Variants in PPP1R16A observed in about 807,000 individuals in gnomAD.
PPP1R16A encodes myosin phosphatase-targeting subunit 3.
PPP1R16A carries 39 observed loss-of-function variants against 46.6 expected under a neutral mutation model. The ratio of observed to expected loss-of-function variants is 0.84; its 90% CI spans 0.65 to 1.09. The LOEUF is 1.09. Ranked by LOEUF, PPP1R16A falls within the 50% of genes least tolerant of loss-of-function variation. The pLI is 0.00. For missense variants in PPP1R16A, 798 were observed against 735.6 expected, an observed-to-expected ratio of 1.08 and a Z score of -0.98; for synonymous variants, 413 against 321.5, an observed-to-expected ratio of 1.28 and a Z score of -3.04.
chr8:144,488,871 G>A (rs1825704641), intron 1 of PPP1R16A, among the ~76,000 whole-genome samples: 1 of 151,708 alleles, frequency 6.6e-6, no homozygotes, highest in Non-Finnish European at 1.5e-5. Context: ...AGCCCCAGGG[G>A]AGGGTTTCAG....
At position 144,500,366 on chromosome 8, in the gene PPP1R16A, C is replaced by T; in HGVS notation, c.680C>T (p.Ala227Val). The T allele has an allele frequency of 2.0e-6, 3 of 1,531,420 alleles. No individual in the cohort carries two copies. The highest frequency in any genetic ancestry group is 1.4e-5 in the African/African-American group (1 of 73,028). 94.9% of individuals were successfully genotyped at this position (1,531,420 alleles called of 1,614,324 possible). A position where few individuals can be genotyped will look rare whatever the true frequency, so the allele number is the denominator to read the frequency against. The change falls in exon 7 of 12, where the codon GCC (alanine) becomes GTC (valine). Residue 227 changes from alanine (A) to valine (V), a missense_variant. By Grantham distance (64) the Ala-to-Val change is moderately conservative. Transcript: ENST00000435887. ...CTGCAGGCCGGGGCAGACCTCCATG[C>T]CCCCCTGGACCACGGGGCCACGCTG... ...SRLQAGADLH[A>V]PLDHGATLLH...
At chr8:144,498,019 C>G (rs1826179293) in intron 3 of PPP1R16A, 1 of 456,252 alleles carries the variant, frequency 2.2e-6, no homozygotes, top group Non-Finnish European at 4.4e-6. Context: ...GGTTCCACTT[C>G]TGGTGCTCTG....
intron 5 of PPP1R16A, 50 bp from the exon 6 acceptor site, chr8:144,500,046 G>T: frequency 6.4e-7 from 1 of 1,550,752 alleles, no homozygotes. Flanking sequence ...GAGGAGCCTG[G>T]CAAGCGGGGA....
rs199589593 is a variant in PPP1R16A, at chr8:144,498,799, C to A, written c.289C>A (p.Pro97Thr). 6.2e-7 allele frequency: 1 copy of A among 1,602,686 alleles called. No homozygotes were observed. The highest frequency in any genetic ancestry group is 8.5e-7 in the Non-Finnish European group (1 of 1,171,770). Residue 97 changes from proline (P) to threonine (T), a missense_variant, in exon 4 of 12, where the codon CCT becomes ACT. By Grantham distance (38) the Pro-to-Thr change is conservative. Coordinates refer to ENST00000435887, the MANE Select transcript of PPP1R16A (RefSeq NM_001329443.2). ...CCAGTTCCTTGGGAGTGGGGTCAGC[C>A]CTGACTTGGCCAACGAGGACGGCCT... ...VRQFLGSGVS[P>T]DLANEDGLTA...
intron 2 of PPP1R16A, among the ~76,000 whole-genome samples, chr8:144,491,762 C>CAAAAA (rs549819147): frequency 6.0e-5 from 5 of 83,788 alleles, no homozygotes; most frequent in Admixed American, 1.3e-4. Context: ...GACTCTGTTT[C>CAAAAA]AAAAAAAAAA....
chr8:144,488,711 C>A (rs1205253919), intron 1 of PPP1R16A, among the ~76,000 whole-genome samples: 1 of 151,996 alleles, frequency 6.6e-6, no homozygotes, highest in Non-Finnish European at 1.5e-5. Context: ...ACAGTGAGGG[C>A]TGGTGCTGGG....
At chr8:144,481,841 G>C (rs557911454) in intron 1 of PPP1R16A, among the ~76,000 whole-genome samples, 1 of 151,564 alleles carries the variant, frequency 6.6e-6, no homozygotes, top group Non-Finnish European at 1.5e-5. Flanking sequence ...GCAGTGGCAC[G>C]ATCTTGGCTC....
rs1263359171 is a variant in PPP1R16A at position 144,500,611 on chromosome 8, A to C, written c.830A>C (p.Gln277Pro). ...CTGCACGCCGCGGCCTACTGGGGCC[A>C]GGTGAGTGCGGGCGGGAGCAGGTGG... ...EPLHAAAYWG[Q>P]VPLVELLVAH... The change falls in exon 8 of 12, where the codon CAG (glutamine) becomes CCG (proline). Residue 277 changes from glutamine to proline, a missense_variant and splice_region_variant. By Grantham distance (76) the Gln-to-Pro change is moderately conservative. Transcript: ENST00000435887. 11 of 1,601,624 alleles carry C rather than the reference A, an allele frequency of 6.9e-6. No homozygotes were observed. The highest frequency in any genetic ancestry group is 9.3e-6 in the Non-Finnish European group (11 of 1,179,116).
At position 144,500,083 on chromosome 8, in the gene PPP1R16A, G is replaced by A. The variant is rs1311618379; in HGVS notation, c.477-13G>A. On this transcript the variant is annotated splice_polypyrimidine_tract_variant and intron_variant, in intron 5 of 11. Transcript: ENST00000435887. Reference sequence around the variant, plus strand: ...GGGCCTTGTGCCCAGCACCCCGTCCGTCTTCCCTGCAGTGGCGCCAATCTC... The same window carrying A: ...GGGCCTTGTGCCCAGCACCCCGTCCATCTTCCCTGCAGTGGCGCCAATCTC... 7 of 1,600,066 alleles carry A rather than the reference G, an allele frequency of 4.4e-6. No individual in the cohort carries two copies. The South Asian group carries it at 5.6e-5, about 13-fold the overall frequency.
chr8:144,483,668 A>G (rs576358919), intron 1 of PPP1R16A, among the ~76,000 whole-genome samples: 1 of 147,110 alleles, frequency 6.8e-6, no homozygotes, highest in Non-Finnish European at 1.5e-5. Context: ...GGCCTCCCAA[A>G]GTGCTGGGAT....
Position 144,497,062 on chromosome 8 carries a change from G to C in PPP1R16A, c.-133G>C, listed in dbSNP as rs1391835641. On this transcript the variant is annotated 5_prime_UTR_variant, in exon 3 of 12. Transcript: ENST00000435887. ...GTGGGGCCTCCTGACCCAGCCAAGG[G>C]CACGAAGCTCTGGGAAGGGGATGCC... is the stretch of plus-strand genomic sequence containing the variant. 2 of 1,239,004 alleles carry C rather than the reference G, an allele frequency of 1.6e-6. No individual in the cohort carries two copies. The highest frequency in any genetic ancestry group is 4.2e-5 in the Admixed American group (2 of 47,218). 76.8% of individuals were successfully genotyped at this position (1,239,004 alleles called of 1,614,324 possible). A position where few individuals can be genotyped will look rare whatever the true frequency, so the allele number is the denominator to read the frequency against.
rs184785899 is a variant in PPP1R16A at position 144,482,513 on chromosome 8, C to T, written c.-914+4386C>T. Among the ~76,000 whole-genome samples, 978 of 151,754 alleles carry T rather than the reference C, an allele frequency of 6.4e-3. 12 individuals are homozygous for T. Among genetic ancestry groups the T allele is most frequent in the African/African-American group, 0.021 (874 of 41,328 alleles). ...AGCAGTTCTCCCTGCCTCAACCTCC[C>T]GGGTTTAAGCAGTTCTCCCTGCCTC... On this transcript the variant is annotated intron_variant, in intron 1 of 11. Transcript: ENST00000435887.
intron 1 of PPP1R16A, among the ~76,000 whole-genome samples, chr8:144,487,317 G>A (rs1456353363): frequency 6.6e-6 from 1 of 152,032 alleles, no homozygotes; most frequent in Non-Finnish European, 1.5e-5. Context: ...ACTCCCAGCA[G>A]TGTCATAAAT....
At chr8:144,480,277 G>C (rs920666385) in intron 1 of PPP1R16A, among the ~76,000 whole-genome samples, 26 of 152,176 alleles carry the variant, frequency 1.7e-4, no homozygotes, top group Admixed American at 1.3e-4. Flanking sequence ...GAAGGGCTAG[G>C]CAGCAAACAT....
Position 144,497,162 on chromosome 8 carries a change from C to T in PPP1R16A, c.-33C>T, listed in dbSNP as rs537719661. On this transcript the variant is annotated 5_prime_UTR_variant, in exon 3 of 12. Coordinates refer to ENST00000435887, the MANE Select transcript of PPP1R16A (RefSeq NM_001329443.2). ...GCCCCCAAGCTCCCCACTCTGGTGC[C>T]CCGAGCAGCCCTGTGGGCAAGCAGC... The T allele has an allele frequency of 4.9e-5, 76 of 1,542,682 alleles. No homozygotes were observed. In the Admixed American group the frequency reaches 1.4e-3, roughly 29 times the overall value.
At position 144,500,475 on chromosome 8, in the gene PPP1R16A, G is replaced by C. The variant is rs1383057895; in HGVS notation, c.706-12G>C. The C allele has an allele frequency of 1.3e-6, 2 of 1,570,602 alleles. No homozygotes were observed. The highest frequency in any genetic ancestry group is 2.3e-5 in the East Asian group (1 of 43,832). On this transcript the variant is annotated splice_polypyrimidine_tract_variant and intron_variant, in intron 7 of 11. Transcript: ENST00000435887. Reference sequence around the variant, plus strand: ...GGATGGGGCCGAATTCAGGCCGGGCGCTTGCCTGCAGCTGCACGTCGCAGC... The same window carrying C: ...GGATGGGGCCGAATTCAGGCCGGGCCCTTGCCTGCAGCTGCACGTCGCAGC...
At chr8:144,487,176 A>T (rs896314246) in intron 1 of PPP1R16A, among the ~76,000 whole-genome samples, 2 of 151,910 alleles carry the variant, frequency 1.3e-5, no homozygotes, top group African/African-American at 4.8e-5. Context: ...TCTAGTAGAG[A>T]CGGGGTTTCA....
chr8:144,501,370 C>T, intron 11 of PPP1R16A, 76 bp downstream of exon 11: 5 of 1,501,652 alleles, frequency 3.3e-6, no homozygotes, highest in Non-Finnish European at 4.4e-6. Flanking sequence ...CGCTTGGACC[C>T]CCTCCTGCCT....
At position 144,501,873 on chromosome 8, in the gene PPP1R16A, G is replaced by T. The variant is rs1469157065; in HGVS notation, c.1557G>T (p.Val519=). The T allele has an allele frequency of 3.9e-6, 6 of 1,540,258 alleles. No homozygotes were observed. The highest frequency in any genetic ancestry group is 5.2e-6 in the Non-Finnish European group (6 of 1,143,614). The part of the protein sequence containing the change: ...KLTAPAVEAP[V]ERRPCCLLM ...CAGCCCCGGCGGTGGAGGCTCCCGTGGAGAGGAGGCCGTGCTGCCTGCTCA... is the reference window on the plus strand; with the variant it reads ...CAGCCCCGGCGGTGGAGGCTCCCGTTGAGAGGAGGCCGTGCTGCCTGCTCA... The change falls in exon 12 of 12, where the codon GTG becomes GTT. Residue 519 remains valine, a synonymous_variant. Transcript: ENST00000435887.
Sources: gnomAD v4.1 joint callset for allele counts (sites outside exome capture counted in the v4.1 genomes callset) on GRCh38, gnomAD v4.1.1 for gene constraint, MANE v1.5 for transcripts, NCBI Gene and HGNC (gene_info 2026-07-23, HGNC 2026-07-21) for gene names.